Variants in ZNF385D observed in about 807,000 individuals in gnomAD.
The protein encoded by ZNF385D is zinc finger protein 385D, also known as zinc finger protein 659.
A neutral mutation model predicts 35.8 loss-of-function variants in ZNF385D; 15 were observed. That is an observed-to-expected ratio of 0.42 (90% confidence interval 0.28 to 0.64). The LOEUF (loss-of-function observed/expected upper bound fraction) is 0.64, where lower values mean the gene tolerates loss of function less well. Among genes scored for constraint, ZNF385D ranks in the 30% least tolerant of loss-of-function variants. The probability of loss-of-function intolerance (pLI) is 0.23; values close to 1 mark genes in which losing one functional copy is unlikely to be tolerated. For missense variants in ZNF385D, 474 were observed against 494.6 expected (o/e 0.96, Z 0.39); for synonymous variants, 212 against 186.8 (o/e 1.13, Z -1.10).
intron 1 of ZNF385D, among the ~76,000 whole-genome samples, chr3:21,676,625 A>T (rs2066738616): frequency 6.6e-6 from 1 of 152,066 alleles, no homozygotes; most frequent in African/African-American, 2.4e-5. Flanking sequence ...TTGCTGGATA[A>T]CTTTACATAC....
intron 4 of ZNF385D, among the ~76,000 whole-genome samples, chr3:21,472,418 T>C (rs1703963571): frequency 6.6e-6 from 1 of 152,100 alleles, no homozygotes; most frequent in Non-Finnish European, 1.5e-5. Context: ...GGTGGTCAAC[T>C]CCAATTTAGG....
At chr3:21,738,512 C>T (rs985634739) in intron 1 of ZNF385D, among the ~76,000 whole-genome samples, 1 of 152,220 alleles carries the variant, frequency 6.6e-6, no homozygotes, top group Non-Finnish European at 1.5e-5. Context: ...AGTTACACCT[C>T]TGCCTTGTGA....
intron 3 of ZNF385D, among the ~76,000 whole-genome samples, chr3:22,034,060 A>T (rs1698169952): frequency 6.6e-6 from 1 of 152,202 alleles, no homozygotes; most frequent in South Asian, 2.1e-4. Context: ...GAGATGGTTA[A>T]CCATCTTATC....
In ZNF385D at chr3:21,418,926, T is replaced by C. The variant is rs572777705; in HGVS notation, c.*2288A>G. On this transcript the variant is annotated 3_prime_UTR_variant, in exon 8 of 8. Transcript: ENST00000281523. The stretch of plus-strand genomic sequence containing the variant: ...CAGACAGAGCCCCAAACAACAGACT[T>C]ATGGGCAACTATCCACCTGGCTGAA... 1 of 152,228 alleles carries C rather than the reference T, an allele frequency of 6.6e-6. No individual in the cohort carries two copies. The highest frequency in any genetic ancestry group is 1.9e-4 in the East Asian group (1 of 5,164). 9.4% of individuals were successfully genotyped at this position (152,228 alleles called of 1,614,324 possible).
At chr3:22,229,923 C>T (rs996132242) in intron 2 of ZNF385D, among the ~76,000 whole-genome samples, 2 of 152,156 alleles carry the variant, frequency 1.3e-5, no homozygotes, top group African/African-American at 4.8e-5. Flanking sequence ...CATTGTACTG[C>T]CCATTTGTAG....
intron 1 of ZNF385D, among the ~76,000 whole-genome samples, chr3:21,675,592 T>C (rs1030480014): frequency 6.6e-6 from 1 of 152,028 alleles, no homozygotes; most frequent in Non-Finnish European, 1.5e-5. Flanking sequence ...TGAAAGGTGG[T>C]AGAGAAAAAA....
chr3:21,578,109 C>A (rs1192960341), intron 2 of ZNF385D, among the ~76,000 whole-genome samples: 1 of 152,108 alleles, frequency 6.6e-6, no homozygotes, highest in Non-Finnish European at 1.5e-5. Flanking sequence ...AGCCACTGCA[C>A]CCCACATTTA....
chr3:22,093,826 G>C (rs1304168706), intron 3 of ZNF385D, among the ~76,000 whole-genome samples: 3 of 151,992 alleles, frequency 2.0e-5, no homozygotes, highest in African/African-American at 7.3e-5. Context: ...AGCAAGTTTT[G>C]TACTAAGATT....
intron 1 of ZNF385D, among the ~76,000 whole-genome samples, chr3:21,709,887 A>G (rs2068037744): frequency 6.6e-6 from 1 of 152,220 alleles, no homozygotes; most frequent in African/African-American, 2.4e-5. Flanking sequence ...AAAACTGGAA[A>G]CAAACTGTCC....
At chr3:22,016,490 T>C (rs988565892) in intron 3 of ZNF385D, among the ~76,000 whole-genome samples, 8 of 152,116 alleles carry the variant, frequency 5.3e-5, no homozygotes, top group South Asian at 2.1e-4. Flanking sequence ...ACTGTCTCTT[T>C]GAGATTAGGT....
chr3:21,442,487 C>CCAAAAA (rs573149639), intron 4 of ZNF385D, among the ~76,000 whole-genome samples: 3 of 151,964 alleles, frequency 2.0e-5, no homozygotes, highest in Non-Finnish European at 2.9e-5. Flanking sequence ...GTGCTTCTGA[C>CCAAAAA]CAAAAACAAA....
rs869178011 is a variant in ZNF385D, at chr3:21,917,433, A to AG, written c.325+251383_325+251384insC. Among the ~76,000 whole-genome samples, 5 of 78,248 alleles carry AG rather than the reference A, an allele frequency of 6.4e-5. No individual in the cohort carries two copies. The East Asian group carries it at 1.5e-3, about 23-fold the overall frequency. 51.3% of individuals were successfully genotyped at this position (78,248 alleles called of 152,430 possible). On this transcript the variant is annotated intron_variant, in intron 3 of 5. Coordinates refer to the ZNF385D transcript ENST00000494108. ...GGCAACAGAGTGATACTCCGTCTCC[A>AG]AAAAAACACCTTAAGGGTCTACCAT... is the stretch of plus-strand genomic sequence containing the variant.
chr3:21,702,092 G>A (rs906025146), intron 1 of ZNF385D, among the ~76,000 whole-genome samples: 12 of 152,206 alleles, frequency 7.9e-5, no homozygotes, highest in Admixed American at 5.2e-4. Context: ...AGGACTCTGT[G>A]TGGGGCTCTG....
chr3:21,975,380 G>C (rs919840853), intron 3 of ZNF385D, among the ~76,000 whole-genome samples: 9 of 152,110 alleles, frequency 5.9e-5, no homozygotes, highest in Admixed American at 4.6e-4. Context: ...TGGAGAGAGA[G>C]AGTAAAATCG....
At chr3:21,789,352 T>C (rs555923761) in intron 3 of ZNF385D, among the ~76,000 whole-genome samples, 23 of 152,078 alleles carry the variant, frequency 1.5e-4, no homozygotes, top group Non-Finnish European at 2.9e-4. Flanking sequence ...AAGAAATATA[T>C]AGGAGAATTC....
At chr3:21,982,465 A>G (rs1694526937) in intron 3 of ZNF385D, among the ~76,000 whole-genome samples, 1 of 152,104 alleles carries the variant, frequency 6.6e-6, no homozygotes, top group Admixed American at 6.6e-5. Flanking sequence ...GTTGTTTATC[A>G]GTGGGAGGAG....
intron 3 of ZNF385D, among the ~76,000 whole-genome samples, chr3:21,813,472 G>T (rs1236800742): frequency 6.6e-6 from 1 of 152,148 alleles, no homozygotes; most frequent in Non-Finnish European, 1.5e-5. Flanking sequence ...TAGGTGAATG[G>T]CTAACTAGAA....
chr3:22,006,808 A>G (rs1696238342), intron 3 of ZNF385D, among the ~76,000 whole-genome samples: 1 of 152,014 alleles, frequency 6.6e-6, no homozygotes. Flanking sequence ...CCAAAAACTA[A>G]AAGGGAACAC....
At chr3:21,850,160 A>G (rs1044818076) in intron 3 of ZNF385D, among the ~76,000 whole-genome samples, 2 of 23,010 alleles carry the variant, frequency 8.7e-5, no homozygotes, top group Admixed American at 1.1e-3. Context: ...AATGGATAAT[A>G]GATATAAAAA....
Sources: gnomAD v4.1 joint callset for allele counts (sites outside exome capture counted in the v4.1 genomes callset) on GRCh38, gnomAD v4.1.1 for gene constraint, MANE v1.5 for transcripts, NCBI Gene and HGNC (gene_info 2026-07-23, HGNC 2026-07-21) for gene names.